The following ANKRD46 variants were observed in gnomAD, a reference collection of about 807,000 sequenced individuals.
ANKRD46 encodes the protein ankyrin repeat domain 46.
A neutral mutation model predicts 19.8 loss-of-function variants in ANKRD46; 13 were observed. That is an observed-to-expected ratio of 0.66 (90% confidence interval 0.43 to 1.04). ANKRD46 has a LOEUF of 1.04. Among genes scored for constraint, ANKRD46 ranks in the 50% least tolerant of loss-of-function variants. The probability of loss-of-function intolerance (pLI) is 0.00; values close to 1 mark genes in which losing one functional copy is unlikely to be tolerated. For missense variants in ANKRD46, 185 were observed against 274.8 expected, an observed-to-expected ratio of 0.67 and a Z score of 2.31; for synonymous variants, 91 against 106.9, an observed-to-expected ratio of 0.85 and a Z score of 0.92.
chr8:100,513,952 T>A (rs898644834), intron 5 of ANKRD46, among the ~76,000 whole-genome samples: 1 of 152,232 alleles, frequency 6.6e-6, no homozygotes, highest in South Asian at 2.1e-4. Flanking sequence ...TCTTATGGAC[T>A]GAAATTTCGG....
In ANKRD46 at chr8:100,511,836, C is replaced by T. The variant is rs1260922265; in HGVS notation, c.637-1197G>A. ...GTCAGGAGTTCGAGACCAGCCTGGC[C>T]AACAATGGTGAAACGCCATCTCTAC... On this transcript the variant is annotated intron_variant, in intron 5 of 5. Transcript: ENST00000520552. This position sits in a 1 kb window ranked among gnomAD's most constrained non-coding sequence, Gnocchi z 4.1. Among the ~76,000 whole-genome samples the T allele has an allele frequency of 6.6e-6, 1 of 152,180 alleles. No homozygotes were observed. The highest frequency in any genetic ancestry group is 1.5e-5 in the Non-Finnish European group (1 of 68,040).
chr8:100,515,428 T>C (rs986540649), intron 5 of ANKRD46, among the ~76,000 whole-genome samples: 1 of 152,166 alleles, frequency 6.6e-6, no homozygotes, highest in African/African-American at 2.4e-5. Context: ...AAGAAAATTG[T>C]TTATCAAGAG....
chr8:100,526,445 A>G (rs1256724024), intron 4 of ANKRD46, among the ~76,000 whole-genome samples: 8 of 152,234 alleles, frequency 5.3e-5, no homozygotes, highest in Admixed American at 5.2e-4. Flanking sequence ...AGAGGAAAAA[A>G]TCTTTAACAA....
chr8:100,551,379 T>G (rs143760692), intron 1 of ANKRD46: 3 of 595,254 alleles, frequency 5.0e-6, no homozygotes, highest in Non-Finnish European at 9.6e-6. Flanking sequence ...GGCTCCCCCA[T>G]TAAGTGAGCC....
chr8:100,557,910 A>T lies in ANKRD46; in HGVS notation c.-131+1801T>A, dbSNP rs547793236. The stretch of plus-strand genomic sequence containing the variant: ...TGCTACTTTATTTTTATTCCTAGTA[A>T]CTGTTACCATCTGACTCCAGATACG... On this transcript the variant is annotated intron_variant, in intron 1 of 4. Coordinates refer to ENST00000335659, the MANE Select transcript of ANKRD46 (RefSeq NM_001270377.2). The surrounding 1 kb of genome is among the most constrained non-coding windows in gnomAD (Gnocchi z 5.9). Among the ~76,000 whole-genome samples the T allele has an allele frequency of 5.6e-4, 85 of 152,192 alleles. No individual in the cohort carries two copies. Among genetic ancestry groups the T allele is most frequent in the African/African-American group, 2.0e-3 (81 of 41,512 alleles).
rs1318943351 is a variant in ANKRD46, at chr8:100,545,731, G to C, written c.-130-12420C>G. Among the ~76,000 whole-genome samples the C allele has an allele frequency of 6.6e-6, 1 of 152,172 alleles. No individual in the cohort carries two copies. The highest frequency in any genetic ancestry group is 1.9e-4 in the East Asian group (1 of 5,196). ...GGCTCAGAAGATATGGGAAAGTCTG[G>C]AACTTCCTAGAGCCTTGCTGAATGG... On this transcript the variant is annotated intron_variant, in intron 1 of 4. Coordinates refer to ENST00000335659, the MANE Select transcript of ANKRD46 (RefSeq NM_001270377.2). The surrounding 1 kb of genome is among the most constrained non-coding windows in gnomAD (Gnocchi z 4.7).
rs562129773 is a variant in ANKRD46 at position 100,527,809 on chromosome 8, A to G, written c.470+36T>C. ...GAGCCCAGGAGTTCAAGGAATGAGT[A>G]ATACAGTGAGAAAAAAAAAGTTGTA... On this transcript the variant is annotated intron_variant, in intron 4 of 4. Coordinates refer to ENST00000335659, the MANE Select transcript of ANKRD46 (RefSeq NM_001270377.2). The surrounding 1 kb of genome is among the most constrained non-coding windows in gnomAD (Gnocchi z 4.0). 46 of 1,600,154 alleles carry G rather than the reference A, an allele frequency of 2.9e-5. 1 individual carries two copies. In the South Asian group the frequency reaches 5.1e-4, roughly 18 times the overall value.
chr8:100,546,885 C>T lies in ANKRD46; in HGVS notation c.-131+12826G>A, dbSNP rs1021768767. Among the ~76,000 whole-genome samples, 1 of 152,206 alleles carries T rather than the reference C, an allele frequency of 6.6e-6. No homozygotes were observed. Among genetic ancestry groups the T allele is most frequent in the African/African-American group, 2.4e-5 (1 of 41,462 alleles). ...TTTGGAGTTTAAGATTCAATGACTG[C>T]CTGGCTGGGTTTCAGACTTGCATGA... On this transcript the variant is annotated intron_variant, in intron 1 of 4. Transcript: ENST00000335659. The surrounding 1 kb of genome is among the most constrained non-coding windows in gnomAD (Gnocchi z 4.0).
Position 100,525,690 on chromosome 8 carries a change from G to A in ANKRD46, c.470+2155C>T, listed in dbSNP as rs752602472. Among the ~76,000 whole-genome samples, 17 of 152,162 alleles carry A rather than the reference G, an allele frequency of 1.1e-4. No homozygotes were observed. The highest frequency in any genetic ancestry group is 2.9e-5 in the Non-Finnish European group (2 of 68,028). ...CAATGTTTTGGCTATTATGAATAAT[G>A]CTGCTATGAACATTCATATATAAGT... is the stretch of plus-strand genomic sequence containing the variant. On this transcript the variant is annotated intron_variant, in intron 4 of 4. Coordinates refer to ENST00000335659, the MANE Select transcript of ANKRD46 (RefSeq NM_001270377.2). The surrounding 1 kb of genome is among the most constrained non-coding windows in gnomAD (Gnocchi z 4.4).
At chr8:100,555,134 A>C (rs1401557365) in intron 1 of ANKRD46, among the ~76,000 whole-genome samples, 3 of 152,184 alleles carry the variant, frequency 2.0e-5, no homozygotes, top group African/African-American at 7.2e-5. Context: ...CTTTTATAGA[A>C]TGCCTAGACA....
chr8:100,539,246 C>T (rs1812126190), intron 1 of ANKRD46, among the ~76,000 whole-genome samples: 1 of 152,192 alleles, frequency 6.6e-6, no homozygotes, highest in Admixed American at 6.5e-5. Context: ...TCTCACTGAT[C>T]ATATGGCTAG....
intron 5 of ANKRD46, among the ~76,000 whole-genome samples, chr8:100,515,387 A>AT (rs148438346): frequency 0.059 from 8,905 of 152,028 alleles, 339 homozygotes; most frequent in Non-Finnish European, 0.075. Flanking sequence ...ACCGAAATGG[A>AT]TTTTTTTTGA....
At chr8:100,535,157 AT>A (rs1812039783) in intron 1 of ANKRD46, among the ~76,000 whole-genome samples, 1 of 152,234 alleles carries the variant, frequency 6.6e-6, no homozygotes, top group Non-Finnish European at 1.5e-5. Context: ...TATTATACAA[AT>A]TCATTAGACT....
At chr8:100,515,469 C>T (rs554820923) in intron 5 of ANKRD46, among the ~76,000 whole-genome samples, 52 of 152,226 alleles carry the variant, frequency 3.4e-4, no homozygotes, top group Non-Finnish European at 6.2e-4. Flanking sequence ...CTCCTGTTGA[C>T]ACACAAATAG....
chr8:100,547,349 T>A (rs939245194), intron 1 of ANKRD46, among the ~76,000 whole-genome samples: 53 of 152,174 alleles, frequency 3.5e-4, no homozygotes, highest in African/African-American at 1.0e-3. Flanking sequence ...ATGGTTTTAA[T>A]AGTGGCAGTT....
chr8:100,522,213 C>T lies in ANKRD46; in HGVS notation c.*342G>A. 1 of 1,047,808 alleles carries T rather than the reference C, an allele frequency of 9.5e-7. No homozygotes were observed. Among genetic ancestry groups the T allele is most frequent in the Non-Finnish European group, 1.2e-6 (1 of 867,974 alleles). The allele number at this position is 1,047,808 out of a possible 1,614,324, so 64.9% of individuals were successfully genotyped here. Reference sequence around the variant, plus strand: ...TTTCTTTTTGAATACTTCAATTGGTCCTATATTAGGATAAGGTTTTGATAG... The same window carrying T: ...TTTCTTTTTGAATACTTCAATTGGTTCTATATTAGGATAAGGTTTTGATAG... On this transcript the variant is annotated 3_prime_UTR_variant, in exon 5 of 5. Transcript: ENST00000335659.
rs887227258 is a variant in ANKRD46, at chr8:100,511,917, C to T, written c.637-1278G>A. 5.3e-5 allele frequency among the ~76,000 whole-genome samples: 8 copies of T among 152,144 alleles called. No individual in the cohort carries two copies. The highest frequency in any genetic ancestry group is 9.7e-5 in the African/African-American group (4 of 41,412). On this transcript the variant is annotated intron_variant, in intron 5 of 5. Coordinates refer to the ANKRD46 transcript ENST00000520552. This position sits in a 1 kb window ranked among gnomAD's most constrained non-coding sequence, Gnocchi z 4.1. The stretch of plus-strand genomic sequence containing the variant: ...GTGCATGCCTGTAACCCCAGCTACT[C>T]GGGAAGCTGAGTCAGAAGAATTGCT...
chr8:100,533,926 C>A (rs1488505939), intron 1 of ANKRD46, among the ~76,000 whole-genome samples: 1 of 152,202 alleles, frequency 6.6e-6, no homozygotes, highest in South Asian at 2.1e-4. Context: ...GCTCCCCCAC[C>A]CAGGCTGCAC....
chr8:100,512,199 A>G (rs1421959116), intron 5 of ANKRD46, among the ~76,000 whole-genome samples: 1 of 152,192 alleles, frequency 6.6e-6, no homozygotes, highest in African/African-American at 2.4e-5. Context: ...TCTGTAGAAC[A>G]GCATCATTTC....
Sources: gnomAD v4.1 joint callset for allele counts (sites outside exome capture counted in the v4.1 genomes callset) on GRCh38, gnomAD v4.1.1 for gene constraint, Gnocchi (gnomAD v3.1) non-coding constraint, MANE v1.5 for transcripts, NCBI Gene and HGNC (gene_info 2026-07-23, HGNC 2026-07-21) for gene names.